Variants in MIPEP observed in about 807,000 individuals in gnomAD.
MIPEP encodes the protein mitochondrial intermediate peptidase.
A neutral mutation model predicts 90.3 loss-of-function variants in MIPEP; 79 were observed. The observed-to-expected ratio is 0.87, with a 90% CI of 0.73 to 1.05. MIPEP has a LOEUF of 1.05. Among genes scored for constraint, MIPEP ranks in the 50% least tolerant of loss-of-function variants. MIPEP has a pLI of 0.00. For missense variants in MIPEP, 940 were observed against 905.6 expected, an observed-to-expected ratio of 1.04 and a Z score of -0.49; for synonymous variants, 334 against 315.8, an observed-to-expected ratio of 1.06 and a Z score of -0.61.
chr13:23,839,556 G>T, intron 12 of MIPEP, 93 bp downstream of exon 12: 1 of 747,948 alleles, frequency 1.3e-6, no homozygotes. Flanking sequence ...ACTTTTAAAT[G>T]TCATGGAATT....
At chr13:23,748,059 T>G (rs1952402661) in intron 18 of MIPEP, among the ~76,000 whole-genome samples, 1 of 151,938 alleles carries the variant, frequency 6.6e-6, no homozygotes, top group African/African-American at 2.4e-5. Context: ...TGTTTTGAGC[T>G]GGAGTCTCCT....
chr13:23,830,312 A>C (rs1055277206), intron 14 of MIPEP, among the ~76,000 whole-genome samples: 2 of 152,230 alleles, frequency 1.3e-5, no homozygotes, highest in African/African-American at 4.8e-5. Flanking sequence ...TAAATAACAG[A>C]AGATTATAAG....
At chr13:23,831,383 C>CGGGGG (rs1555237542) in intron 14 of MIPEP, among the ~76,000 whole-genome samples, 3 of 40,852 alleles carry the variant, frequency 7.3e-5, no homozygotes, top group East Asian at 4.7e-4. Context: ...TTCCCCATGG[C>CGGGGG]GGGGGGGGGA....
chr13:23,879,389 T>C, intron 3 of MIPEP, 35 bp from the exon 4 acceptor site: 2 of 1,082,090 alleles, frequency 1.8e-6, no homozygotes, highest in Non-Finnish European at 1.4e-6. Context: ...ATTAGATGAT[T>C]TTCTAATACC....
intron 18 of MIPEP, among the ~76,000 whole-genome samples, chr13:23,732,520 A>G (rs1157016693): frequency 2.6e-5 from 4 of 152,252 alleles, no homozygotes; most frequent in Admixed American, 2.6e-4. Context: ...CCAAGTTTCT[A>G]TCAATAGGAC....
At chr13:23,873,949 G>C (rs1870947344) in intron 5 of MIPEP, among the ~76,000 whole-genome samples, 1 of 151,974 alleles carries the variant, frequency 6.6e-6, no homozygotes, top group African/African-American at 2.4e-5. Context: ...ATGTGTGAGG[G>C]GTTACAGCAT....
Position 23,870,001 on chromosome 13 carries a change from A to G in MIPEP, c.786+12T>C, listed in dbSNP as rs770013669. 2 of 1,561,954 alleles carry G rather than the reference A, an allele frequency of 1.3e-6. No homozygotes were observed. The highest frequency in any genetic ancestry group is 2.4e-5 in the South Asian group (2 of 81,994). On this transcript the variant is annotated intron_variant, in intron 6 of 18. Coordinates refer to ENST00000382172, the MANE Select transcript of MIPEP (RefSeq NM_005932.4). ...TGGGACCTAAACAACAAAGAGAATG[A>G]AACATACATACCAAGTCATCTGGTG...
chr13:23,870,192 T>A lies in MIPEP; in HGVS notation c.607A>T (p.Lys203Ter). 6.3e-7 allele frequency: 1 copy of A among 1,595,832 alleles called. No homozygotes were observed. Among genetic ancestry groups the A allele is most frequent in the Non-Finnish European group, 8.5e-7 (1 of 1,170,566 alleles). Reference protein sequence around the residue: ...SGIHLDKEKRKRAVDLNVKIL... With the variant: ...SGIHLDKEKR Reference sequence around the variant, plus strand: ...TTAACATTGAGGTCCACTGCTCTTTTACGCTGTATGCAGGAGGAGTAAAAG... The same window carrying A: ...TTAACATTGAGGTCCACTGCTCTTTAACGCTGTATGCAGGAGGAGTAAAAG... The change falls in exon 6 of 19, where the codon AAA becomes TAA. Residue 203 changes from lysine (K) to a stop codon, truncating the protein, a stop_gained. Transcript: ENST00000382172. LOFTEE classifies it high-confidence loss of function.
chr13:23,874,799 A>C lies in MIPEP; in HGVS notation c.603+47T>G, dbSNP rs375733852. ...ACTGTAGCAATAATGGTATCAACTAAATGTTAGTAAAACTGGAAGAGTCAA... is the reference window on the plus strand; with the variant it reads ...ACTGTAGCAATAATGGTATCAACTACATGTTAGTAAAACTGGAAGAGTCAA... On this transcript the variant is annotated intron_variant, in intron 5 of 18. Transcript: ENST00000382172. The C allele has an allele frequency of 1.9e-5, 28 of 1,482,286 alleles. No homozygotes were observed. In the African/African-American group the frequency reaches 3.8e-4, roughly 20 times the overall value. 91.8% of individuals were successfully genotyped at this position (1,482,286 alleles called of 1,614,324 possible). A position where few individuals can be genotyped will look rare whatever the true frequency, so the allele number is the denominator to read the frequency against.
At chr13:23,740,521 T>C (rs1952315751) in intron 18 of MIPEP, among the ~76,000 whole-genome samples, 1 of 151,810 alleles carries the variant, frequency 6.6e-6, no homozygotes, top group Non-Finnish European at 1.5e-5. Flanking sequence ...AAAAAAAAAA[T>C]CAGTTCACCC....
chr13:23,799,573 GC>G (rs1315522421), intron 16 of MIPEP, among the ~76,000 whole-genome samples: 1 of 150,804 alleles, frequency 6.6e-6, no homozygotes, highest in Non-Finnish European at 1.5e-5. Context: ...TGGTCCGCCC[GC>G]CTCGGCCTCC....
chr13:23,743,435 T>C (rs1952352298), intron 18 of MIPEP, among the ~76,000 whole-genome samples: 1 of 152,256 alleles, frequency 6.6e-6, no homozygotes, highest in Admixed American at 6.5e-5. Context: ...GGATTCCCTC[T>C]ATCTACAATC....
Position 23,841,452 on chromosome 13 carries a change from GA to G in MIPEP, c.1142del (p.Phe381SerfsTer10). On this transcript the variant is annotated frameshift_variant, in exon 11 of 19. Coordinates refer to ENST00000382172, the MANE Select transcript of MIPEP (RefSeq NM_005932.4). LOFTEE classifies it high-confidence loss of function. Reference sequence around the variant, plus strand: ...GGCCTTCCATGCATGCTCCAAGAGAGAAAAACGGGCAATATAGGCTGGGCTC... The same window carrying G: ...GGCCTTCCATGCATGCTCCAAGAGAGAAAACGGGCAATATAGGCTGGGCTC... ...NIEPSLYCPFFSLGACMEGLN... is the reference protein window; with the variant it reads ...NIEPSLYCPFXSLGACMEGLN... The G allele has an allele frequency of 6.2e-7, 1 of 1,613,678 alleles. No homozygotes were observed. Among genetic ancestry groups the G allele is most frequent in the Non-Finnish European group, 8.5e-7 (1 of 1,179,902 alleles).
chr13:23,885,912 TA>T (rs34069993), intron 2 of MIPEP, among the ~76,000 whole-genome samples: 17,828 of 134,806 alleles, frequency 0.13, 1,158 homozygotes, highest in Non-Finnish European at 0.16. Flanking sequence ...CTGTCTCTAT[TA>T]AAAAAAAAAA....
intron 17 of MIPEP, among the ~76,000 whole-genome samples, chr13:23,757,280 A>C (rs569511607): frequency 6.6e-6 from 1 of 151,982 alleles, no homozygotes; most frequent in South Asian, 2.1e-4. Flanking sequence ...TCCTATGAGA[A>C]TCTAATGCTG....
chr13:23,889,267 C>T lies in MIPEP; in HGVS notation c.54G>A (p.Pro18=). Residue 18 remains proline, a synonymous_variant, in exon 1 of 19, where the codon CCG becomes CCA. Transcript: ENST00000382172. ...GGCTTCCCCGGCCCGCCCGGCGGGG[C>T]GGCAGAGCTGCTGCTCTGGCTCCCA... ...GGLGARAAAL[P]PRRAGRGSLE... is the part of the protein sequence containing the mutation. 4 of 1,382,550 alleles carry T rather than the reference C, an allele frequency of 2.9e-6. No individual in the cohort carries two copies. Among genetic ancestry groups the T allele is most frequent in the Non-Finnish European group, 2.8e-6 (3 of 1,067,540 alleles). 85.6% of individuals were successfully genotyped at this position (1,382,550 alleles called of 1,614,324 possible). A position where few individuals can be genotyped will look rare whatever the true frequency, so the allele number is the denominator to read the frequency against.
At chr13:23,800,379 T>C (rs1364783130) in intron 16 of MIPEP, among the ~76,000 whole-genome samples, 1 of 152,172 alleles carries the variant, frequency 6.6e-6, no homozygotes, top group Non-Finnish European at 1.5e-5. Flanking sequence ...CACAATCGCT[T>C]AGGGAAAATA....
At chr13:23,830,118 G>A (rs1868667127) in intron 14 of MIPEP, among the ~76,000 whole-genome samples, 1 of 152,132 alleles carries the variant, frequency 6.6e-6, no homozygotes, top group African/African-American at 2.4e-5. Context: ...ACAGAAGAAA[G>A]TATAAAAATG....
chr13:23,819,317 A>C (rs536107743), intron 14 of MIPEP, among the ~76,000 whole-genome samples: 6 of 152,342 alleles, frequency 3.9e-5, no homozygotes, highest in African/African-American at 1.4e-4. Flanking sequence ...ATCGCAGTCT[A>C]CCTGAGTCAG....
Sources: gnomAD v4.1 joint callset for allele counts (sites outside exome capture counted in the v4.1 genomes callset) on GRCh38, gnomAD v4.1.1 for gene constraint, MANE v1.5 for transcripts, NCBI Gene and HGNC (gene_info 2026-07-23, HGNC 2026-07-21) for gene names.